CUL4B: variants seen among roughly 807,000 people sequenced by gnomAD.
CUL4B encodes cullin-4B.
CUL4B carries 1 observed loss-of-function variant against 69.2 expected under a neutral mutation model. The observed-to-expected ratio is 0.01, with a 90% CI of 0.01 to 0.07. The LOEUF (loss-of-function observed/expected upper bound fraction) is 0.07, where lower values mean the gene tolerates loss of function less well. CUL4B is among the 10% of genes least tolerant of loss of function. CUL4B has a pLI of 1.00. For missense variants in CUL4B, 328 were observed against 638.8 expected (o/e 0.51, Z 5.24); for synonymous variants, 237 against 223.2 (o/e 1.06, Z -0.55).
chrX:120,548,586 C>A (rs1209573196), intron 2 of CUL4B, among the ~76,000 whole-genome samples: 2 of 111,328 alleles, frequency 1.8e-5, no homozygotes, highest in African/African-American at 6.5e-5. Context: ...GTAATCCCAG[C>A]GGTTTAGGAG....
At chrX:120,527,437 G>C (rs900083719) in intron 19 of CUL4B, among the ~76,000 whole-genome samples, 1 of 109,718 alleles carries the variant, frequency 9.1e-6, no homozygotes, top group Admixed American at 9.8e-5. Flanking sequence ...TAATAGACAG[G>C]GTCTTGCTAT....
Position 120,560,414 on chromosome X carries a change from C to T in CUL4B, c.225G>A (p.Ser75=), listed in dbSNP as rs768697629. The change falls in exon 1 of 20, where the codon TCG becomes TCA. Residue 75 remains serine (S), a synonymous_variant. Transcript: ENST00000371322. Reference sequence around the variant, plus strand: ...AGAAGGACGAGGTTGAAGGGGATGCCGAATCCCTGGGTTGTAAAGGAGGAG... The same window carrying T: ...AGAAGGACGAGGTTGAAGGGGATGCTGAATCCCTGGGTTGTAAAGGAGGAG... ...SSTPPLQPRD[S]ASPSTSSFCL... 17 of 1,209,144 alleles carry T rather than the reference C, an allele frequency of 1.4e-5. No homozygotes were observed. In the East Asian group the frequency reaches 3.8e-4, roughly 27 times the overall value.
intron 10 of CUL4B, 116 bp downstream of exon 10, chrX:120,541,486 C>G (rs1033286821): frequency 1.8e-6 from 1 of 562,814 alleles, no homozygotes; most frequent in Non-Finnish European, 3.1e-6. Context: ...GTGACGAGAG[C>G]AAAACTCTGT....
chrX:120,543,716 G>A lies in CUL4B; in HGVS notation c.1256+11C>T. 1 of 1,151,860 alleles carries A rather than the reference G, an allele frequency of 8.7e-7. No individual in the cohort carries two copies. The highest frequency in any genetic ancestry group is 1.2e-6 in the Non-Finnish European group (1 of 840,851). 94.9% of individuals were successfully genotyped at this position (1,151,860 alleles called of 1,213,427 possible). The stretch of plus-strand genomic sequence containing the variant: ...AGTTTAAGACTATTAAATTCAGCAT[G>A]TGGTACTTACTGGGTGGTCTGATCT... On this transcript the variant is annotated intron_variant, in intron 8 of 19. Coordinates refer to ENST00000371322, the MANE Select transcript of CUL4B (RefSeq NM_001079872.2).
intron 12 of CUL4B, 131 bp downstream of exon 12, chrX:120,539,137 C>A (rs1363554466): frequency 8.7e-6 from 4 of 458,382 alleles, no homozygotes; most frequent in East Asian, 7.6e-5. Flanking sequence ...ACGTATCCCC[C>A]CAATGAATTA....
intron 14 of CUL4B, 71 bp downstream of exon 14, chrX:120,538,053 G>A: frequency 1.3e-6 from 1 of 754,771 alleles, no homozygotes. Context: ...ATCCTCTTTA[G>A]TACAAATCAT....
chrX:120,564,027 G>A (rs1425864197), upstream of CUL4B, among the ~76,000 whole-genome samples: 5 of 112,351 alleles, frequency 4.5e-5, no homozygotes, highest in Non-Finnish European at 7.5e-5. Context: ...ATCTGGCCAC[G>A]CGTGGTGGCT....
Position 120,560,878 on chromosome X carries a change from C to T in CUL4B, c.-240G>A, listed in dbSNP as rs905614720. 41 of 750,674 alleles carry T rather than the reference C, an allele frequency of 5.5e-5. No homozygotes were observed. The highest frequency in any genetic ancestry group is 6.4e-5 in the Non-Finnish European group (41 of 638,434). 61.9% of individuals were successfully genotyped at this position (750,674 alleles called of 1,213,427 possible). ...CGAGGGGGGAGAGCGAATGAGGAGG[C>T]AGACAGGTAAACGGCCGTGCCGTCC... On this transcript the variant is annotated 5_prime_UTR_variant, in exon 1 of 20. Transcript: ENST00000371322.
rs987331766 is a variant in CUL4B at position 120,540,464 on chromosome X, G to A, written c.1542C>T (p.Ile514=). 3 of 1,195,943 alleles carry A rather than the reference G, an allele frequency of 2.5e-6. No homozygotes were observed. Among genetic ancestry groups the A allele is most frequent in the Non-Finnish European group, 3.4e-6 (3 of 882,558 alleles). Residue 514 remains isoleucine, a synonymous_variant, in exon 11 of 20, where the codon ATC becomes ATT. Coordinates refer to ENST00000371322, the MANE Select transcript of CUL4B (RefSeq NM_001079872.2). ...TAAATTTCTCATTCTTCAGAAAGCA[G>A]ATATCAATTATATGGTCAACCTTAT... is the stretch of plus-strand genomic sequence containing the variant. ...FKDKVDHIID[I]CFLKNEKFIN... is the part of the protein sequence containing the mutation.
chrX:120,566,583 G>A (rs1353163579), downstream of CUL4B, among the ~76,000 whole-genome samples: 1 of 105,932 alleles, frequency 9.4e-6, no homozygotes, highest in Non-Finnish European at 1.9e-5. Context: ...TTTTAGTAGA[G>A]ACGGGGTTTC....
At chrX:120,571,497 T>C (rs1361953111) in exon 3 of CUL4B, 1 of 111,408 alleles carries the variant, frequency 9.0e-6, no homozygotes, top group Non-Finnish European at 1.9e-5. Context: ...GGTGGAAGAA[T>C]GGACTCTCTA....
intron 9 of CUL4B, 126 bp downstream of exon 9, chrX:120,542,840 G>T: frequency 2.0e-6 from 1 of 500,247 alleles, no homozygotes; most frequent in Non-Finnish European, 3.5e-6. Context: ...AATAAGGATT[G>T]TGTCCATCCT....
downstream of CUL4B, among the ~76,000 whole-genome samples, chrX:120,568,661 A>G (rs747556464): frequency 2.8e-4 from 32 of 112,760 alleles, no homozygotes; most frequent in Admixed American, 2.6e-3. Flanking sequence ...TTCAATTTGT[A>G]GTTGATTTCA....
chrX:120,555,187 A>T (rs1924892287), intron 2 of CUL4B, among the ~76,000 whole-genome samples: 1 of 112,475 alleles, frequency 8.9e-6, no homozygotes, highest in Non-Finnish European at 1.9e-5. Context: ...TGCTCTTGAA[A>T]GAAAAAGATT....
downstream of CUL4B, among the ~76,000 whole-genome samples, chrX:120,570,476 A>G (rs146064671): frequency 2.8e-4 from 31 of 112,439 alleles, no homozygotes; most frequent in East Asian, 7.5e-3. Context: ...TAGAGTTTTG[A>G]CAGAGACCGT....
chrX:120,569,561 C>T (rs1186052226), downstream of CUL4B, among the ~76,000 whole-genome samples: 2 of 110,984 alleles, frequency 1.8e-5, no homozygotes, highest in Non-Finnish European at 1.9e-5. Flanking sequence ...GGGGTTTCAC[C>T]GTGTTAGCCA....
intron 1 of CUL4B, chrX:120,575,383 C>T (rs376562806): frequency 8.9e-6 from 1 of 112,599 alleles, no homozygotes; most frequent in East Asian, 2.8e-4. Context: ...ATTCCGAAAT[C>T]TCAAAAGGGC....
chrX:120,526,880 A>G, intron 19 of CUL4B, 24 bp from the exon 20 acceptor site: 7 of 998,381 alleles, frequency 7.0e-6, no homozygotes, highest in Non-Finnish European at 9.9e-6. Context: ...CAAATTTTCA[A>G]TGTAAAGTTC....
chrX:120,526,815 C>T lies in CUL4B; in HGVS notation c.2634G>A (p.Arg878=), dbSNP rs143580749. ...LKKRIESLID[R]DYMERDKENP... is the part of the protein sequence containing the mutation. ...TTTCTTTATCTCTTTCCATGTAGTC[C>T]CGGTCAATTAAAGATTCTATTCTCT... The change falls in exon 20 of 20, where the codon CGG becomes CGA. Residue 878 remains arginine, a synonymous_variant. Coordinates refer to ENST00000371322, the MANE Select transcript of CUL4B (RefSeq NM_001079872.2). 815 of 1,195,173 alleles carry T rather than the reference C, an allele frequency of 6.8e-4. 4 individuals are homozygous for T. In the African/African-American group the frequency reaches 0.013, roughly 19 times the overall value.
Sources: allele counts gnomAD v4.1 joint callset (sites outside exome capture counted in the v4.1 genomes callset), GRCh38; gene constraint gnomAD v4.1.1; transcripts MANE v1.5; gene names NCBI Gene and HGNC (gene_info 2026-07-23, HGNC 2026-07-21).